Variants in MSH4 observed in about 807,000 individuals in gnomAD.
MSH4 encodes mutS homolog 4, also known as mutS protein homolog 4.
A neutral mutation model predicts 113.7 loss-of-function variants in MSH4; 106 were observed. The ratio of observed to expected loss-of-function variants is 0.93; its 90% CI spans 0.80 to 1.10. MSH4 has a LOEUF of 1.10. MSH4 is among the 50% of genes least tolerant of loss of function. The probability of loss-of-function intolerance (pLI) is 0.00; values close to 1 mark genes in which losing one functional copy is unlikely to be tolerated. For missense variants in MSH4, 1,061 were observed against 1,093.7 expected, an observed-to-expected ratio of 0.97 and a Z score of 0.42; for synonymous variants, 368 against 380.2, an observed-to-expected ratio of 0.97 and a Z score of 0.37.
chr1:75,822,599 A>G lies in MSH4; in HGVS notation c.1162+18A>G. 8.1e-7 allele frequency: 1 copy of G among 1,241,018 alleles called. No individual in the cohort carries two copies. Among genetic ancestry groups the G allele is most frequent in the African/African-American group, 1.6e-5 (1 of 62,802 alleles). The allele number at this position is 1,241,018 out of a possible 1,614,324, so 76.9% of individuals were successfully genotyped here. A position where few individuals can be genotyped will look rare whatever the true frequency, so the allele number is the denominator to read the frequency against. On this transcript the variant is annotated intron_variant, in intron 7 of 19. Coordinates refer to ENST00000263187, the MANE Select transcript of MSH4 (RefSeq NM_002440.4). ...TCAATCAGGTAAATCAATATTATTT[A>G]ATATTATAAATACAAATTATTGAAA...
chr1:75,839,985 G>A (rs1650917524), intron 7 of MSH4, among the ~76,000 whole-genome samples: 1 of 145,902 alleles, frequency 6.9e-6, no homozygotes. Flanking sequence ...TCTCACACCA[G>A]TTAGAATGGC....
chr1:75,815,629 T>C (rs1570944942), intron 5 of MSH4, among the ~76,000 whole-genome samples: 1 of 152,318 alleles, frequency 6.6e-6, no homozygotes, highest in South Asian at 2.1e-4. Flanking sequence ...ATACTTTCTT[T>C]GAGTCAGGTT....
chr1:75,910,469 G>A (rs1021462), intron 19 of MSH4, among the ~76,000 whole-genome samples: 74,685 of 150,824 alleles, frequency 0.5, 19,232 homozygotes, highest in African/African-American at 0.64. Context: ...AGGTCTCACT[G>A]TGTTGCCCAG....
At chr1:75,842,206 C>A (rs986227328) in intron 7 of MSH4, among the ~76,000 whole-genome samples, 1 of 152,078 alleles carries the variant, frequency 6.6e-6, no homozygotes, top group Non-Finnish European at 1.5e-5. Context: ...TATCTGAAGA[C>A]CTGGGAATGT....
intron 8 of MSH4, among the ~76,000 whole-genome samples, chr1:75,865,114 A>G (rs1211573100): frequency 6.6e-6 from 1 of 152,068 alleles, no homozygotes; most frequent in Non-Finnish European, 1.5e-5. Flanking sequence ...TCTCCTGTAC[A>G]GGTATCCTTT....
Position 75,839,133 on chromosome 1 carries a change from ATATTT to A in MSH4, c.1163-9073_1163-9069del, listed in dbSNP as rs201058143. Reference sequence around the variant, plus strand: ...GATTTTTTTAAACTTTAATTTTGATATATTTTAAGTTTTTAAATTCCTTATGACTG... The same window carrying A: ...GATTTTTTTAAACTTTAATTTTGATATAAGTTTTTAAATTCCTTATGACTG... On this transcript the variant is annotated intron_variant, in intron 7 of 19. Coordinates refer to ENST00000263187, the MANE Select transcript of MSH4 (RefSeq NM_002440.4). Among the ~76,000 whole-genome samples, 142 of 152,288 alleles carry A rather than the reference ATATTT, an allele frequency of 9.3e-4. No homozygotes were observed. In the East Asian group the frequency reaches 0.026, roughly 28 times the overall value.
At position 75,803,878 on chromosome 1, in the gene MSH4, G is replaced by A; in HGVS notation, c.392G>A (p.Gly131Asp). 1 of 1,585,380 alleles carries A rather than the reference G, an allele frequency of 6.3e-7. No individual in the cohort carries two copies. Among genetic ancestry groups the A allele is most frequent in the Non-Finnish European group, 8.6e-7 (1 of 1,168,234 alleles). The change falls in exon 2 of 20, where the codon GGT becomes GAT. Residue 131 changes from glycine (G) to aspartate (D), a missense_variant. Physicochemically the swap from Gly to Asp is moderately conservative, Grantham distance 94. Transcript: ENST00000263187. ...TCTACTGGAAATCCTCAGAGATCAG[G>A]TTATAAGAGCTGGACACCACAAGTG... ...PLSTGNPQRS[G>D]YKSWTPQVGY...
intron 8 of MSH4, among the ~76,000 whole-genome samples, chr1:75,852,581 G>T (rs1409263418): frequency 6.6e-6 from 1 of 152,086 alleles, no homozygotes; most frequent in Non-Finnish European, 1.5e-5. Flanking sequence ...AGCCTGTCGG[G>T]TGTCTCATGG....
intron 19 of MSH4, 46 bp from the exon 20 acceptor site, chr1:75,912,650 T>C (rs1041888738): frequency 4.3e-6 from 5 of 1,168,290 alleles, no homozygotes; most frequent in East Asian, 6.3e-5. Context: ...ATAAAAATTA[T>C]GGTATTTGTG....
intron 7 of MSH4, among the ~76,000 whole-genome samples, chr1:75,823,797 G>A (rs911635884): frequency 1.3e-5 from 2 of 152,104 alleles, no homozygotes; most frequent in African/African-American, 4.8e-5. Context: ...CCCTGCAGAG[G>A]TCATGAACTC....
intron 15 of MSH4, among the ~76,000 whole-genome samples, chr1:75,888,559 GATTTT>G (rs1194181768): frequency 2.0e-5 from 3 of 150,986 alleles, no homozygotes; most frequent in Admixed American, 2.0e-4. Context: ...TTTTTATAAT[GATTTT>G]ATTAACTTCA....
rs1651899098 is a variant in MSH4, at chr1:75,880,129, G to A, written c.1757G>A (p.Arg586Lys). 1 of 1,577,014 alleles carries A rather than the reference G, an allele frequency of 6.3e-7. No homozygotes were observed. Among genetic ancestry groups the A allele is most frequent in the East Asian group, 2.3e-5 (1 of 44,410 alleles). The change falls in exon 13 of 20, where the codon AGA becomes AAA. Residue 586 changes from arginine (R) to lysine (K), a missense_variant. Transcript: ENST00000263187. Reference protein sequence around the residue: ...KMNERCQESLREIYHMTYMIV... With the variant: ...KMNERCQESLKEIYHMTYMIV... ...AATGAAAGATGCCAAGAATCTTTGA[G>A]AGAAATCTATCACATGACTTATATG...
chr1:75,889,362 TGAAA>T lies in MSH4; in HGVS notation c.2222_2225del (p.Lys741ArgfsTer2), dbSNP rs1386320504. 6 of 1,416,794 alleles carry T rather than the reference TGAAA, an allele frequency of 4.2e-6. No individual in the cohort carries two copies. In the East Asian group the frequency reaches 1.4e-4, roughly 34 times the overall value. The allele number at this position is 1,416,794 out of a possible 1,614,324, so 87.8% of individuals were successfully genotyped here. A position where few individuals can be genotyped will look rare whatever the true frequency, so the allele number is the denominator to read the frequency against. On this transcript the variant is annotated frameshift_variant, in exon 16 of 20. Coordinates refer to ENST00000263187, the MANE Select transcript of MSH4 (RefSeq NM_002440.4). LOFTEE classifies it high-confidence loss of function. Reference sequence around the variant, plus strand: ...AATTCATCAACATTTATGAAAGAAATGAAAGAGGTACCCAAACAAAACTTTTCTT... The same window carrying T: ...AATTCATCAACATTTATGAAAGAAATGAGGTACCCAAACAAAACTTTTCTT...
intron 12 of MSH4, among the ~76,000 whole-genome samples, chr1:75,879,698 C>T (rs1651890208): frequency 6.6e-6 from 1 of 152,012 alleles, no homozygotes; most frequent in Admixed American, 6.6e-5. Context: ...ACAAGGGCTG[C>T]GACAGGGGTC....
chr1:75,829,093 G>A (rs1004677513), intron 7 of MSH4, among the ~76,000 whole-genome samples: 1 of 152,158 alleles, frequency 6.6e-6, no homozygotes, highest in African/African-American at 2.4e-5. Context: ...CCCTAATACT[G>A]CGCTTTTCCA....
intron 19 of MSH4, among the ~76,000 whole-genome samples, chr1:75,907,715 TATATGTATAA>T (rs1652698343): frequency 7.9e-6 from 1 of 127,290 alleles, no homozygotes; most frequent in Non-Finnish European, 1.6e-5. Context: ...TATATATATA[TATATGTATAA>T]AATCTTTCAG....
In MSH4 at chr1:75,796,955, ATACTT is replaced by A; in HGVS notation, c.-30_-26del. The A allele has an allele frequency of 1.2e-6, 2 of 1,612,404 alleles. No homozygotes were observed. The highest frequency in any genetic ancestry group is 2.2e-5 in the South Asian group (2 of 91,016). ...ACTGGAGGGGTCGCTCAGAAACCTC[ATACTT>A]CTCGGGTCAGGGAAGGTTTGGGAGG... On this transcript the variant is annotated 5_prime_UTR_variant, in exon 1 of 20. Transcript: ENST00000263187.
chr1:75,854,348 C>A (rs1332287905), intron 8 of MSH4, among the ~76,000 whole-genome samples: 2 of 152,094 alleles, frequency 1.3e-5, no homozygotes, highest in Non-Finnish European at 2.9e-5. Context: ...GTAGTACTCC[C>A]TGCTGAACTG....
chr1:75,882,547 T>G (rs1651956873), intron 14 of MSH4, among the ~76,000 whole-genome samples: 1 of 151,890 alleles, frequency 6.6e-6, no homozygotes, highest in South Asian at 2.1e-4. Flanking sequence ...TATACAAAAT[T>G]TCTCCATGGG....
Sources: allele counts gnomAD v4.1 joint callset (sites outside exome capture counted in the v4.1 genomes callset), GRCh38; gene constraint gnomAD v4.1.1; transcripts MANE v1.5; gene names NCBI Gene and HGNC (gene_info 2026-07-23, HGNC 2026-07-21).